PCDH15: variants seen among roughly 807,000 people sequenced by gnomAD.
PCDH15 encodes protocadherin-15.
A neutral mutation model predicts 178.5 loss-of-function variants in PCDH15; 129 were observed. The ratio of observed to expected loss-of-function variants is 0.72; its 90% CI spans 0.63 to 0.84. The LOEUF is 0.84. Among genes scored for constraint, PCDH15 ranks in the 40% least tolerant of loss-of-function variants. The probability of loss-of-function intolerance (pLI) is 0.00; values close to 1 mark genes in which losing one functional copy is unlikely to be tolerated. For synonymous variants in PCDH15, 800 were observed against 732.0 expected (o/e 1.09, Z -1.50); for missense variants, 2,230 against 2,099.9 (o/e 1.06, Z -1.21).
intron 18 of PCDH15, among the ~76,000 whole-genome samples, chr10:54,048,774 A>C (rs958029193): frequency 1.3e-5 from 2 of 152,038 alleles, no homozygotes; most frequent in Non-Finnish European, 2.9e-5. Context: ...GTAGGCTTGT[A>C]GTATAGTTTG....
chr10:53,874,449 C>T (rs1266554120), intron 26 of PCDH15, among the ~76,000 whole-genome samples: 4 of 152,068 alleles, frequency 2.6e-5, no homozygotes, highest in Admixed American at 6.6e-5. Flanking sequence ...CATTATTTGC[C>T]GGCCACCAGT....
At chr10:54,069,850 T>C (rs192127868) in intron 17 of PCDH15, among the ~76,000 whole-genome samples, 1 of 152,178 alleles carries the variant, frequency 6.6e-6, no homozygotes, top group Non-Finnish European at 1.5e-5. Flanking sequence ...ACAGATCACT[T>C]TAATTAATTG....
Position 55,034,980 on chromosome 10 carries a change from A to C in PCDH15, c.-80+131596T>G, listed in dbSNP as rs75617349. 9.2e-3 allele frequency among the ~76,000 whole-genome samples: 1,407 copies of C among 152,292 alleles called. 20 individuals are homozygous for C. The highest frequency in any genetic ancestry group is 0.03 in the African/African-American group (1,259 of 41,568). ...TGATAATAATAGCCAGTTTCTCTGGAGGCATGATCTGGGAGGATACAGCTG... is the reference window on the plus strand; with the variant it reads ...TGATAATAATAGCCAGTTTCTCTGGCGGCATGATCTGGGAGGATACAGCTG... On this transcript the variant is annotated intron_variant, in intron 2 of 5. Coordinates refer to the PCDH15 transcript ENST00000458638.
At chr10:53,830,741 C>A (rs1423611967) in intron 30 of PCDH15, among the ~76,000 whole-genome samples, 1 of 152,156 alleles carries the variant, frequency 6.6e-6, no homozygotes, top group Non-Finnish European at 1.5e-5. Flanking sequence ...GCCTGCACAG[C>A]CAGAACATGC....
chr10:55,265,649 C>G (rs540481285), intron 1 of PCDH15, among the ~76,000 whole-genome samples: 2 of 152,242 alleles, frequency 1.3e-5, no homozygotes, highest in South Asian at 4.1e-4. Flanking sequence ...TTGCACAGGA[C>G]TAAGACCAAG....
intron 2 of PCDH15, among the ~76,000 whole-genome samples, chr10:54,633,504 C>T (rs1403333637): frequency 6.6e-6 from 1 of 151,942 alleles, no homozygotes; most frequent in East Asian, 1.9e-4. Context: ...GTTATTCAGG[C>T]AGAGAAGGAA....
rs199554769 is a variant in PCDH15, at chr10:54,195,599, G to A, written c.1305+84C>T. ...CTTAATTCTCTCTTCTCTAGCTTAT[G>A]TAGCCATATCTTTGTCATATTTCCC... is the stretch of plus-strand genomic sequence containing the variant. On this transcript the variant is annotated intron_variant, in intron 11 of 37. Transcript: ENST00000644397. 3.5e-6 allele frequency: 4 copies of A among 1,155,430 alleles called. No individual in the cohort carries two copies. In the African/African-American group the frequency reaches 4.6e-5, roughly 13 times the overall value. The allele number at this position is 1,155,430 out of a possible 1,614,324, so 71.6% of individuals were successfully genotyped here.
At chr10:53,901,404 A>T (rs2082325545) in intron 26 of PCDH15, among the ~76,000 whole-genome samples, 1 of 152,066 alleles carries the variant, frequency 6.6e-6, no homozygotes. Context: ...TTCATCGGCA[A>T]ATCCTATATG....
intron 30 of PCDH15, among the ~76,000 whole-genome samples, chr10:53,829,969 A>C (rs2132616514): frequency 6.6e-6 from 1 of 152,296 alleles, no homozygotes; most frequent in Admixed American, 6.5e-5. Flanking sequence ...TCACAAGAAA[A>C]TTTTAAGTAT....
At chr10:54,274,727 AT>A (rs1309853222) in intron 8 of PCDH15, among the ~76,000 whole-genome samples, 1 of 150,382 alleles carries the variant, frequency 6.6e-6, no homozygotes, top group African/African-American at 2.4e-5. Flanking sequence ...GCAATTTTTT[AT>A]TTTTTTCATC....
intron 3 of PCDH15, among the ~76,000 whole-genome samples, chr10:54,425,337 G>T (rs1956142465): frequency 6.6e-6 from 1 of 152,056 alleles, no homozygotes; most frequent in Non-Finnish European, 1.5e-5. Context: ...ATAGACCTGA[G>T]CTAGCATGTT....
chr10:54,782,481 G>C (rs1005503429), intron 1 of PCDH15, among the ~76,000 whole-genome samples: 3 of 152,084 alleles, frequency 2.0e-5, no homozygotes, highest in Non-Finnish European at 4.4e-5. Context: ...AATGTAAAAC[G>C]TAAAAGTACT....
intron 2 of PCDH15, among the ~76,000 whole-genome samples, chr10:55,392,166 G>A (rs1837808785): frequency 6.6e-6 from 1 of 152,092 alleles, no homozygotes; most frequent in Non-Finnish European, 1.5e-5. Context: ...ACTGAACACA[G>A]ATCACCAAAA....
At chr10:54,614,398 G>A (rs1411158589) in intron 2 of PCDH15, among the ~76,000 whole-genome samples, 1 of 151,908 alleles carries the variant, frequency 6.6e-6, no homozygotes, top group African/African-American at 2.4e-5. Flanking sequence ...TGAAAGTTTT[G>A]TTCACTTTAA....
At chr10:55,045,001 A>C (rs1840961547) in intron 2 of PCDH15, among the ~76,000 whole-genome samples, 2 of 152,088 alleles carry the variant, frequency 1.3e-5, no homozygotes, top group African/African-American at 4.8e-5. Context: ...ACCCGTATCT[A>C]AGCCTGCAAA....
At chr10:54,352,016 G>T (rs1252530036) in intron 5 of PCDH15, among the ~76,000 whole-genome samples, 3 of 152,168 alleles carry the variant, frequency 2.0e-5, no homozygotes, top group Non-Finnish European at 4.4e-5. Context: ...TCATAATATT[G>T]TGTTGTACAT....
intron 13 of PCDH15, among the ~76,000 whole-genome samples, chr10:54,180,430 T>C (rs149404351): frequency 3.4e-4 from 52 of 152,332 alleles, no homozygotes; most frequent in Middle Eastern, 6.8e-3. Flanking sequence ...CATGGCTACA[T>C]TGAAAATGAC....
intron 1 of PCDH15, among the ~76,000 whole-genome samples, chr10:55,232,476 T>A (rs1309895930): frequency 6.6e-6 from 1 of 152,130 alleles, no homozygotes; most frequent in Non-Finnish European, 1.5e-5. Flanking sequence ...TTAGGCAGAA[T>A]CTAAGAGGAT....
At chr10:54,418,747 A>G (rs1458127461) in intron 3 of PCDH15, among the ~76,000 whole-genome samples, 1 of 151,992 alleles carries the variant, frequency 6.6e-6, no homozygotes, top group Non-Finnish European at 1.5e-5. Context: ...AGGCCTATTG[A>G]AAAATGACCA....
Sources: allele counts gnomAD v4.1 joint callset (sites outside exome capture counted in the v4.1 genomes callset), GRCh38; gene constraint gnomAD v4.1.1; transcripts MANE v1.5; gene names NCBI Gene and HGNC (gene_info 2026-07-23, HGNC 2026-07-21).